LDLRAD4: variants seen among roughly 807,000 people sequenced by gnomAD.
LDLRAD4 encodes low-density lipoprotein receptor class A domain-containing protein 4.
A neutral mutation model predicts 17.0 loss-of-function variants in LDLRAD4; 5 were observed. That is an observed-to-expected ratio of 0.29 (90% CI 0.15 to 0.62). LDLRAD4 has a LOEUF of 0.62. Ranked by LOEUF, LDLRAD4 falls within the 20% of genes least tolerant of loss-of-function variation. The pLI, the probability that LDLRAD4 is intolerant of heterozygous loss-of-function variation, is 0.84. For synonymous variants in LDLRAD4, 168 were observed against 171.8 expected, an observed-to-expected ratio of 0.98 and a Z score of 0.17; for missense variants, 340 against 424.7, an observed-to-expected ratio of 0.80 and a Z score of 1.75.
intron 1 of LDLRAD4, among the ~76,000 whole-genome samples, chr18:13,381,104 G>A (rs537182142): frequency 7.0e-6 from 1 of 142,130 alleles, no homozygotes; most frequent in East Asian, 2.0e-4. Context: ...AAGAGACAGG[G>A]TCTTGCTATG....
chr18:13,390,298 C>T (rs1275816163), intron 2 of LDLRAD4, among the ~76,000 whole-genome samples: 7 of 152,200 alleles, frequency 4.6e-5, no homozygotes, highest in South Asian at 2.1e-4. Flanking sequence ...CACAGTGTGC[C>T]GGGAGCCGTG....
At chr18:13,347,755 G>A (rs1245611602) in intron 1 of LDLRAD4, among the ~76,000 whole-genome samples, 2 of 152,134 alleles carry the variant, frequency 1.3e-5, no homozygotes, top group East Asian at 3.8e-4. Context: ...ATATTTCTTG[G>A]AGGCTTTGTT....
rs8084605 is a variant in LDLRAD4, at chr18:13,404,927, C to G, written c.40+17165C>G. 9.0e-3 allele frequency among the ~76,000 whole-genome samples: 1,360 copies of G among 151,890 alleles called. 20 individuals are homozygous for G. Among genetic ancestry groups the G allele is most frequent in the African/African-American group, 0.03 (1,251 of 41,370 alleles). ...GCAAAAGAATTGAAATCGCAAATCTCTGTAGGTCGTATGAAGAAGGAAAGA... is the reference window on the plus strand; with the variant it reads ...GCAAAAGAATTGAAATCGCAAATCTGTGTAGGTCGTATGAAGAAGGAAAGA... On this transcript the variant is annotated intron_variant, in intron 2 of 5. Transcript: ENST00000359446.
exon 6 of LDLRAD4, chr18:13,650,477 T>G: frequency 2.5e-6 from 1 of 397,718 alleles, no homozygotes; most frequent in Non-Finnish European, 4.4e-6. Context: ...ATGTCAGAGA[T>G]CTGCATGTCA....
intron 3 of LDLRAD4, among the ~76,000 whole-genome samples, chr18:13,527,425 G>A (rs2094050557): frequency 6.6e-6 from 1 of 152,224 alleles, no homozygotes; most frequent in Non-Finnish European, 1.5e-5. Flanking sequence ...GGCCCTTATG[G>A]TGCTGGCCTG....
intron 1 of LDLRAD4, among the ~76,000 whole-genome samples, chr18:13,332,193 A>G (rs545672114): frequency 2.0e-5 from 3 of 152,378 alleles, no homozygotes; most frequent in African/African-American, 7.2e-5. Context: ...TTTAAAATTT[A>G]TTTGTAGCAA....
chr18:13,417,855 G>T (rs1199045107), intron 2 of LDLRAD4, among the ~76,000 whole-genome samples: 3 of 151,970 alleles, frequency 2.0e-5, no homozygotes, highest in Non-Finnish European at 4.4e-5. Flanking sequence ...GTGTGTGTGT[G>T]GTTTGTGTGT....
At position 13,460,654 on chromosome 18, in the gene LDLRAD4, C is replaced by T. The variant is rs958551737; in HGVS notation, c.181+22270C>T. On this transcript the variant is annotated intron_variant, in intron 3 of 5. Coordinates refer to ENST00000359446, the Ensembl canonical transcript of LDLRAD4. ...GCTGTTGAGAGAGACCAAAAAAGGA[C>T]AATTAGTGATGAGGGTATTTAAGGC... Among the ~76,000 whole-genome samples the T allele has an allele frequency of 1.1e-4, 16 of 152,170 alleles. 1 individual carries two copies. The highest frequency in any genetic ancestry group is 8.5e-4 in the Admixed American group (13 of 15,288).
At chr18:13,315,807 T>TATAAAACTG (rs2080902884) in intron 1 of LDLRAD4, among the ~76,000 whole-genome samples, 1 of 146,552 alleles carries the variant, frequency 6.8e-6, no homozygotes. Flanking sequence ...AAAAAGAATG[T>TATAAAACTG]ATAAAACTGG....
rs956679093 is a variant in LDLRAD4 at position 13,317,269 on chromosome 18, G to A, written c.-383+39081G>A. On this transcript the variant is annotated intron_variant, in intron 1 of 5. Transcript: ENST00000359446. ...GATATTTCTTAAATTGCCCCTACAC[G>A]TATCCTAAGCTCTCAGGGATAGCTT... is the stretch of plus-strand genomic sequence containing the variant. Among the ~76,000 whole-genome samples, 7 of 152,154 alleles carry A rather than the reference G, an allele frequency of 4.6e-5. 1 individual carries two copies. The highest frequency in any genetic ancestry group is 4.1e-4 in the South Asian group (2 of 4,824).
intron 1 of LDLRAD4, among the ~76,000 whole-genome samples, chr18:13,364,927 T>C (rs943187697): frequency 6.6e-6 from 1 of 152,308 alleles, no homozygotes; most frequent in East Asian, 1.9e-4. Flanking sequence ...GAGCACAGGA[T>C]AGTGTCCTTG....
chr18:13,540,701 G>A (rs1307489080), intron 3 of LDLRAD4, among the ~76,000 whole-genome samples: 1 of 152,218 alleles, frequency 6.6e-6, no homozygotes, highest in East Asian at 1.9e-4. Flanking sequence ...CGATTATAAT[G>A]AGCAGTAGGA....
chr18:13,574,247 G>T (rs1217961353), intron 3 of LDLRAD4, among the ~76,000 whole-genome samples: 1 of 152,164 alleles, frequency 6.6e-6, no homozygotes, highest in Non-Finnish European at 1.5e-5. Context: ...TTGTGTGTGG[G>T]TATTAGAAAG....
intron 3 of LDLRAD4, among the ~76,000 whole-genome samples, chr18:13,596,171 C>G (rs1183038876): frequency 6.6e-6 from 1 of 152,022 alleles, no homozygotes; most frequent in African/African-American, 2.4e-5. Flanking sequence ...TCTGTTTTGT[C>G]TGGTATTAGT....
intron 3 of LDLRAD4, among the ~76,000 whole-genome samples, chr18:13,594,778 AAG>A (rs2095074784): frequency 6.6e-6 from 1 of 151,968 alleles, no homozygotes; most frequent in Admixed American, 6.6e-5. Context: ...CTTCTCCAAA[AAG>A]AAGTTGTCTG....
At chr18:13,414,660 A>G (rs2088704233) in intron 2 of LDLRAD4, among the ~76,000 whole-genome samples, 2 of 152,226 alleles carry the variant, frequency 1.3e-5, no homozygotes, top group African/African-American at 4.8e-5. Context: ...TCTCCTCAGG[A>G]CAGGGATGGT....
At chr18:13,481,097 G>A (rs1439230648) in intron 3 of LDLRAD4, among the ~76,000 whole-genome samples, 1 of 152,258 alleles carries the variant, frequency 6.6e-6, no homozygotes, top group Non-Finnish European at 1.5e-5. Context: ...AGACACGCCA[G>A]TGTGGGCTGC....
intron 3 of LDLRAD4, among the ~76,000 whole-genome samples, chr18:13,502,761 G>A (rs1279649286): frequency 1.3e-5 from 2 of 152,182 alleles, no homozygotes; most frequent in Middle Eastern, 3.2e-3. Flanking sequence ...TATGAAACAG[G>A]TCTTCTCAGT....
At chr18:13,345,927 C>T (rs1266850595) in intron 1 of LDLRAD4, among the ~76,000 whole-genome samples, 1 of 151,802 alleles carries the variant, frequency 6.6e-6, no homozygotes, top group Non-Finnish European at 1.5e-5. Context: ...TGGTGATATC[C>T]CCTTCATCAT....
Sources: gnomAD v4.1 joint callset for allele counts (sites outside exome capture counted in the v4.1 genomes callset) on GRCh38, gnomAD v4.1.1 for gene constraint, MANE v1.5 for transcripts, NCBI Gene and HGNC (gene_info 2026-07-23, HGNC 2026-07-21) for gene names.